The following ST6GALNAC3 variants were observed in gnomAD, a reference collection of about 807,000 sequenced individuals.
ST6GALNAC3 encodes ST6 N-acetylgalactosaminide alpha-2,6-sialyltransferase 3, also known as alpha-N-acetylgalactosaminide alpha-2,6-sialyltransferase 3.
A neutral mutation model predicts 32.7 loss-of-function variants in ST6GALNAC3; 25 were observed. That is an observed-to-expected ratio of 0.76 (90% CI 0.56 to 1.07). The LOEUF (loss-of-function observed/expected upper bound fraction) is 1.07. Among genes scored for constraint, ST6GALNAC3 ranks in the 50% least tolerant of loss-of-function variants. The pLI, the probability that ST6GALNAC3 is intolerant of heterozygous loss-of-function variation, is 0.00. For synonymous variants in ST6GALNAC3, 129 were observed against 133.1 expected (o/e 0.97, Z 0.21); for missense variants, 355 against 382.4 (o/e 0.93, Z 0.60).
At chr1:76,266,401 G>A (rs147162342) in intron 1 of ST6GALNAC3, among the ~76,000 whole-genome samples, 2 of 152,296 alleles carry the variant, frequency 1.3e-5, no homozygotes, top group East Asian at 1.9e-4. Context: ...GGGTCTCAAA[G>A]GGAGTTGTCT....
At chr1:76,477,610 G>A (rs1339805281) in intron 3 of ST6GALNAC3, among the ~76,000 whole-genome samples, 4 of 152,126 alleles carry the variant, frequency 2.6e-5, no homozygotes, top group Non-Finnish European at 2.9e-5. Flanking sequence ...TCAAGATCAC[G>A]AAAGCCCAAG....
rs144695468 is a variant in ST6GALNAC3 at position 76,441,208 on chromosome 1, A to G, written c.623+28791A>G. 6.9e-3 allele frequency among the ~76,000 whole-genome samples: 1,053 copies of G among 152,062 alleles called. 13 individuals are homozygous for G. Among genetic ancestry groups the G allele is most frequent in the African/African-American group, 0.025 (1,021 of 41,488 alleles). On this transcript the variant is annotated intron_variant, in intron 3 of 4. Coordinates refer to ENST00000328299, the MANE Select transcript of ST6GALNAC3 (RefSeq NM_152996.4). ...AAAAATGTGTGTAGTTATAATTATT[A>G]TTGTAATGATCATAAATATCATTTA...
intron 1 of ST6GALNAC3, among the ~76,000 whole-genome samples, chr1:76,251,462 C>T (rs1657611795): frequency 6.6e-6 from 1 of 152,110 alleles, no homozygotes; most frequent in Non-Finnish European, 1.5e-5. Flanking sequence ...ATTCTTGCCT[C>T]AACCTCTCTT....
chr1:76,456,919 G>C (rs1657852393), intron 3 of ST6GALNAC3, among the ~76,000 whole-genome samples: 1 of 152,174 alleles, frequency 6.6e-6, no homozygotes. Context: ...AATTGTCCCT[G>C]TTTGCAGACA....
At chr1:76,423,900 A>C (rs1655196136) in intron 3 of ST6GALNAC3, among the ~76,000 whole-genome samples, 1 of 151,964 alleles carries the variant, frequency 6.6e-6, no homozygotes, top group Non-Finnish European at 1.5e-5. Flanking sequence ...TAATTCTTCT[A>C]GTTGATAGTA....
chr1:76,589,374 A>T (rs1187598232), intron 3 of ST6GALNAC3, among the ~76,000 whole-genome samples: 1 of 152,140 alleles, frequency 6.6e-6, no homozygotes, highest in Non-Finnish European at 1.5e-5. Context: ...GCTTCCTGAC[A>T]TAAGTCTCAT....
At chr1:76,223,542 T>C (rs1655899484) in intron 1 of ST6GALNAC3, among the ~76,000 whole-genome samples, 1 of 152,162 alleles carries the variant, frequency 6.6e-6, no homozygotes, top group African/African-American at 2.4e-5. Flanking sequence ...CCTGCACATG[T>C]ACCCCTGAAC....
intron 3 of ST6GALNAC3, among the ~76,000 whole-genome samples, chr1:76,446,608 C>T (rs1247893166): frequency 6.6e-6 from 1 of 152,130 alleles, no homozygotes; most frequent in African/African-American, 2.4e-5. Context: ...TGTCCCCACC[C>T]AAATCTCATC....
At chr1:76,396,290 C>T (rs1290999823) in intron 2 of ST6GALNAC3, among the ~76,000 whole-genome samples, 1 of 152,002 alleles carries the variant, frequency 6.6e-6, no homozygotes, top group Non-Finnish European at 1.5e-5. Context: ...CATGGCAAAA[C>T]CTTGTCTCTA....
chr1:76,087,212 C>T (rs1205173468), intron 1 of ST6GALNAC3, among the ~76,000 whole-genome samples: 3 of 152,184 alleles, frequency 2.0e-5, no homozygotes, highest in African/African-American at 7.2e-5. Flanking sequence ...TTTTCTCTCA[C>T]CCATCTTTGA....
intron 1 of ST6GALNAC3, among the ~76,000 whole-genome samples, chr1:76,080,632 CA>C (rs58110770): frequency 2.3e-3 from 261 of 115,240 alleles, no homozygotes; most frequent in East Asian, 3.4e-3. Flanking sequence ...ACAGATAAAC[CA>C]AAAAAAAAAA....
rs1025771337 is a variant in ST6GALNAC3, at chr1:76,479,971, A to G, written c.623+67554A>G. ...AAAATATGTACATTTTTTAAATACA[A>G]TGTACTGACCTGAAAGTAGTCAAGT... On this transcript the variant is annotated intron_variant, in intron 3 of 4. Coordinates refer to ENST00000328299, the MANE Select transcript of ST6GALNAC3 (RefSeq NM_152996.4). Among the ~76,000 whole-genome samples, 40 of 152,322 alleles carry G rather than the reference A, an allele frequency of 2.6e-4. 1 individual carries two copies. The East Asian group carries it at 7.5e-3, about 29-fold the overall frequency.
At chr1:76,449,525 C>T (rs1466845588) in intron 3 of ST6GALNAC3, among the ~76,000 whole-genome samples, 1 of 152,216 alleles carries the variant, frequency 6.6e-6, no homozygotes, top group Non-Finnish European at 1.5e-5. Flanking sequence ...TGCATCCCTA[C>T]CAGCAATGAA....
chr1:76,605,841 G>A (rs1647499022), intron 3 of ST6GALNAC3, among the ~76,000 whole-genome samples: 1 of 109,560 alleles, frequency 9.1e-6, no homozygotes, highest in South Asian at 3.3e-4. Flanking sequence ...CTCCATCCTG[G>A]GTAATAGAGG....
At chr1:76,153,160 C>G (rs994527140) in intron 1 of ST6GALNAC3, among the ~76,000 whole-genome samples, 1 of 152,082 alleles carries the variant, frequency 6.6e-6, no homozygotes, top group African/African-American at 2.4e-5. Context: ...TCATTTTGCC[C>G]TTCTGATAGG....
intron 2 of ST6GALNAC3, among the ~76,000 whole-genome samples, chr1:76,347,069 G>GCCGT (rs71588870): frequency 0.21 from 31,463 of 151,872 alleles, 3,684 homozygotes; most frequent in Non-Finnish European, 0.27. Flanking sequence ...TGTCTAATGA[G>GCCGT]CCGTCCTAAG....
At chr1:76,504,868 G>T (rs74089981) in intron 3 of ST6GALNAC3, among the ~76,000 whole-genome samples, 1 of 152,056 alleles carries the variant, frequency 6.6e-6, no homozygotes, top group Non-Finnish European at 1.5e-5. Context: ...AGGATCACAT[G>T]CACTGTCATT....
intron 1 of ST6GALNAC3, among the ~76,000 whole-genome samples, chr1:76,199,221 G>T (rs949390465): frequency 6.6e-6 from 1 of 152,174 alleles, no homozygotes; most frequent in East Asian, 1.9e-4. Context: ...TTTACCTCTG[G>T]TATAACCCAA....
At chr1:76,531,491 A>C (rs1663253195) in intron 3 of ST6GALNAC3, among the ~76,000 whole-genome samples, 1 of 152,188 alleles carries the variant, frequency 6.6e-6, no homozygotes, top group African/African-American at 2.4e-5. Context: ...GCCTGGTTGT[A>C]TGACAAAGCT....
Sources: gnomAD v4.1 joint callset for allele counts (sites outside exome capture counted in the v4.1 genomes callset) on GRCh38, gnomAD v4.1.1 for gene constraint, MANE v1.5 for transcripts, NCBI Gene and HGNC (gene_info 2026-07-23, HGNC 2026-07-21) for gene names.